The following MYCBP2 variants were observed in gnomAD, a reference collection of about 807,000 sequenced individuals.
MYCBP2 encodes the protein E3 ubiquitin-protein ligase MYCBP2.
Under a neutral mutation model 525.3 loss-of-function variants are expected in MYCBP2, and 120 were observed. The observed-to-expected ratio is 0.23, with a 90% CI of 0.20 to 0.27. The LOEUF (loss-of-function observed/expected upper bound fraction) is 0.27, where lower values mean the gene tolerates loss of function less well. Ranked by LOEUF, MYCBP2 falls within the 10% of genes least tolerant of loss-of-function variation. The pLI is 1.00. For synonymous variants in MYCBP2, 1,894 were observed against 1,955.8 expected, an observed-to-expected ratio of 0.97 and a Z score of 0.83; for missense variants, 4,149 against 5,657.1, an observed-to-expected ratio of 0.73 and a Z score of 8.55.
Position 77,095,504 on chromosome 13 carries a change from C to T in MYCBP2, c.10053G>A (p.Leu3351=), listed in dbSNP as rs2046102530. ...HQVIKANALF[L]LSLSSAAEPS... Reference sequence around the variant, plus strand: ...GTTCTGCTGCACTGCTCAGGGACAGCAGGAAGAGTGCATTGGCTTTAATCA... The same window carrying T: ...GTTCTGCTGCACTGCTCAGGGACAGTAGGAAGAGTGCATTGGCTTTAATCA... The change falls in exon 58 of 83, where the codon CTG becomes CTA. Residue 3351 remains leucine, a synonymous_variant. Transcript: ENST00000544440. 1.2e-6 allele frequency: 2 copies of T among 1,613,572 alleles called. No homozygotes were observed. Among genetic ancestry groups the T allele is most frequent in the Non-Finnish European group, 1.7e-6 (2 of 1,179,736 alleles).
chr13:77,047,066 T>C (rs1873305316), intron 82 of MYCBP2, among the ~76,000 whole-genome samples: 1 of 152,174 alleles, frequency 6.6e-6, no homozygotes, highest in Admixed American at 6.5e-5. Flanking sequence ...GCCTAATATA[T>C]GAAGGGCATT....
At chr13:77,311,884 G>A (rs963635965) in intron 1 of MYCBP2, among the ~76,000 whole-genome samples, 4 of 151,992 alleles carry the variant, frequency 2.6e-5, no homozygotes, top group African/African-American at 9.7e-5. Context: ...AAAATTTACC[G>A]ATTTGAGAAG....
rs146231409 is a variant in MYCBP2, at chr13:77,107,026, T to C, written c.8141-8013A>G. Among the ~76,000 whole-genome samples, 4 of 152,302 alleles carry C rather than the reference T, an allele frequency of 2.6e-5. No individual in the cohort carries two copies. In the East Asian group the frequency reaches 7.7e-4, roughly 29 times the overall value. On this transcript the variant is annotated intron_variant, in intron 55 of 82. Transcript: ENST00000544440. ...ACATACCTACGTTTATGTATTTATA[T>C]ATATTTCTTTAGATATAAGAAAATC...
rs1171221744 is a variant in MYCBP2 at position 77,044,733 on chromosome 13, A to G, written c.*645T>C. 5.0e-6 allele frequency: 2 copies of G among 398,712 alleles called. No individual in the cohort carries two copies. The highest frequency in any genetic ancestry group is 4.1e-5 in the African/African-American group (2 of 48,620). The allele number at this position is 398,712 out of a possible 1,614,324, so 24.7% of individuals were successfully genotyped here. On this transcript the variant is annotated 3_prime_UTR_variant, in exon 83 of 83. Coordinates refer to ENST00000544440, the MANE Select transcript of MYCBP2 (RefSeq NM_015057.5). ...TCCAATATGTTTACAGCTGCAAGAT[A>G]ATGAGGCACACTCAGTATTGCACTT...
At chr13:77,275,732 C>T (rs1036251182) in intron 4 of MYCBP2, among the ~76,000 whole-genome samples, 2 of 152,120 alleles carry the variant, frequency 1.3e-5, no homozygotes, top group African/African-American at 4.8e-5. Flanking sequence ...GCCTGTAATC[C>T]TAGCATTTTG....
At chr13:77,060,713 C>G (rs1156598360) in intron 76 of MYCBP2, among the ~76,000 whole-genome samples, 1 of 152,074 alleles carries the variant, frequency 6.6e-6, no homozygotes, top group Non-Finnish European at 1.5e-5. Flanking sequence ...TTCACAACAC[C>G]TTCAGAAGCA....
At chr13:77,197,898 T>C (rs898340863) in intron 26 of MYCBP2, among the ~76,000 whole-genome samples, 3 of 152,086 alleles carry the variant, frequency 2.0e-5, no homozygotes, top group African/African-American at 4.8e-5. Flanking sequence ...GAGGTAAAAT[T>C]TGAGTTTGAA....
intron 80 of MYCBP2, 80 bp from the exon 81 acceptor site, chr13:77,051,998 G>T: frequency 9.4e-7 from 1 of 1,062,780 alleles, no homozygotes; most frequent in Non-Finnish European, 1.4e-6. Context: ...CATAGTGAAA[G>T]TAAGATCTAG....
At chr13:77,229,452 C>G (rs1437351103) in intron 18 of MYCBP2, among the ~76,000 whole-genome samples, 1 of 152,102 alleles carries the variant, frequency 6.6e-6, no homozygotes, top group East Asian at 1.9e-4. Context: ...CATTTTACCA[C>G]CACCAAATGG....
rs2063390400 is a variant in MYCBP2, at chr13:77,206,771, G to A, written c.3471C>T (p.Ala1157=). The change falls in exon 24 of 83, where the codon GCC becomes GCT. Residue 1157 remains alanine (A), a synonymous_variant. Transcript: ENST00000544440. ...LWCYNAVVAD[A]RLPSAADMQS... ...GCATGTCTGCTGCAGAGGGAAGCCT[G>A]GCATCAGCAACCACCGCATTGTAAC... The A allele has an allele frequency of 6.2e-7, 1 of 1,610,896 alleles. No individual in the cohort carries two copies. The highest frequency in any genetic ancestry group is 8.5e-7 in the Non-Finnish European group (1 of 1,178,122).
rs188046356 is a variant in MYCBP2, at chr13:77,114,767, T to C, written c.8140+6606A>G. Among the ~76,000 whole-genome samples the C allele has an allele frequency of 9.5e-3, 1,441 of 152,010 alleles. 19 individuals carry two copies. Among genetic ancestry groups the C allele is most frequent in the Non-Finnish European group, 0.016 (1,100 of 67,884 alleles). On this transcript the variant is annotated intron_variant, in intron 55 of 82. Transcript: ENST00000544440. ...CCCATCAAAATTAAAAATAAAACAT[T>C]ATAAAATAAAAAAAGTATTAAAAAG...
intron 46 of MYCBP2, among the ~76,000 whole-genome samples, chr13:77,155,381 A>G (rs2057083081): frequency 6.6e-6 from 1 of 152,178 alleles, no homozygotes; most frequent in African/African-American, 2.4e-5. Context: ...ACTCTATAAG[A>G]CAACTTTGAA....
intron 55 of MYCBP2, among the ~76,000 whole-genome samples, chr13:77,104,309 T>C (rs2047530773): frequency 1.3e-5 from 2 of 152,218 alleles, no homozygotes; most frequent in African/African-American, 4.8e-5. Context: ...AATTAAGAAA[T>C]CATTCAATGT....
chr13:77,162,419 ATATTT>A (rs1285540259), intron 43 of MYCBP2, among the ~76,000 whole-genome samples: 3 of 152,208 alleles, frequency 2.0e-5, no homozygotes, highest in Admixed American at 6.5e-5. Flanking sequence ...AATATAGAAC[ATATTT>A]TATTTATTGA....
intron 81 of MYCBP2, among the ~76,000 whole-genome samples, chr13:77,051,414 AGG>A (rs2036785493): frequency 6.6e-6 from 1 of 152,214 alleles, no homozygotes; most frequent in African/African-American, 2.4e-5. Context: ...TTAATAAGCA[AGG>A]TACTTAATTT....
chr13:77,294,110 A>ATATATATATATG lies in MYCBP2; in HGVS notation c.378+2488_378+2489insCATATATATATA, dbSNP rs2077812240. On this transcript the variant is annotated intron_variant, in intron 2 of 82. Transcript: ENST00000544440. Reference sequence around the variant, plus strand: ...CATAAAGTAGATATAATGGCTATATATATATATATATATATATATACATAT... The same window carrying ATATATATATATG: ...CATAAAGTAGATATAATGGCTATATATATATATATATGTATATATATATATATATATACATAT... Among the ~76,000 whole-genome samples the ATATATATATATG allele has an allele frequency of 7.8e-5, 4 of 51,158 alleles. 1 individual carries two copies. The highest frequency in any genetic ancestry group is 6.6e-4 in the Admixed American group (2 of 3,046). 33.6% of individuals were successfully genotyped at this position (51,158 alleles called of 152,430 possible). A position where few individuals can be genotyped will look rare whatever the true frequency, so the allele number is the denominator to read the frequency against.
At chr13:77,157,461 C>A (rs1305051887) in intron 45 of MYCBP2, among the ~76,000 whole-genome samples, 3 of 152,148 alleles carry the variant, frequency 2.0e-5, no homozygotes, top group Non-Finnish European at 4.4e-5. Flanking sequence ...TATGCTCTAG[C>A]AATCCACTTA....
intron 55 of MYCBP2, among the ~76,000 whole-genome samples, chr13:77,109,450 G>C (rs918999155): frequency 6.6e-6 from 1 of 152,184 alleles, no homozygotes; most frequent in Non-Finnish European, 1.5e-5. Context: ...ACAGGCCTTG[G>C]ACCAGTATTG....
At chr13:77,121,766 T>C (rs1394719309) in intron 54 of MYCBP2, among the ~76,000 whole-genome samples, 1 of 152,196 alleles carries the variant, frequency 6.6e-6, no homozygotes, top group African/African-American at 2.4e-5. Flanking sequence ...GCAGGATACA[T>C]TACTGAATGC....
Sources: allele counts gnomAD v4.1 joint callset (sites outside exome capture counted in the v4.1 genomes callset), GRCh38; gene constraint gnomAD v4.1.1; transcripts MANE v1.5; gene names NCBI Gene and HGNC (gene_info 2026-07-23, HGNC 2026-07-21).